SDC2: variants seen among roughly 807,000 people sequenced by gnomAD.
SDC2 encodes syndecan-2.
In SDC2, 13 loss-of-function variants were observed where a neutral mutation model predicts 22.2. The observed-to-expected ratio is 0.59, with a 90% CI of 0.38 to 0.93. SDC2 has a LOEUF of 0.93. SDC2 is among the 40% of genes least tolerant of loss of function. The probability of loss-of-function intolerance (pLI) is 0.00; values close to 1 mark genes in which losing one functional copy is unlikely to be tolerated. For missense variants in SDC2, 235 were observed against 246.8 expected (o/e 0.95, Z 0.32); for synonymous variants, 94 against 92.8 (o/e 1.01, Z -0.07).
At position 96,608,306 on chromosome 8, in the gene SDC2, A is replaced by G. The variant is rs572378592; in HGVS notation, c.307-29A>G. 37 of 1,602,154 alleles carry G rather than the reference A, an allele frequency of 2.3e-5. 1 individual carries two copies. Among genetic ancestry groups the G allele is most frequent in the Middle Eastern group, 3.3e-4 (2 of 5,988 alleles). On this transcript the variant is annotated intron_variant, in intron 3 of 4. Transcript: ENST00000302190. ...CTTTCCAACACATTTCCTTAAATCA[A>G]TGTAATCTTTCCCTGTTTCCCATAC...
intron 1 of SDC2, among the ~76,000 whole-genome samples, chr8:96,573,283 G>A (rs1586307462): frequency 2.6e-4 from 1 of 3,818 alleles, no homozygotes; most frequent in Non-Finnish European, 1.3e-3. Context: ...GATGCTCTTC[G>A]CAGACCTCCC....
intron 1 of SDC2, among the ~76,000 whole-genome samples, chr8:96,495,188 G>A (rs1813050887): frequency 6.6e-6 from 1 of 152,210 alleles, no homozygotes; most frequent in African/African-American, 2.4e-5. Context: ...GGGGGACAGA[G>A]GCTTCCCTCC....
At chr8:96,533,260 C>T (rs1047169887) in intron 1 of SDC2, among the ~76,000 whole-genome samples, 5 of 152,172 alleles carry the variant, frequency 3.3e-5, no homozygotes, top group African/African-American at 9.7e-5. Flanking sequence ...CCACTGCTGG[C>T]TTGGGCAGCT....
intron 1 of SDC2, among the ~76,000 whole-genome samples, chr8:96,589,837 G>C (rs1455128693): frequency 1.3e-5 from 2 of 152,174 alleles, no homozygotes; most frequent in East Asian, 1.9e-4. Flanking sequence ...CACGGACGTG[G>C]GCAGTGACAA....
chr8:96,588,843 G>A (rs567847010), intron 1 of SDC2, among the ~76,000 whole-genome samples: 8 of 152,326 alleles, frequency 5.3e-5, no homozygotes, highest in Non-Finnish European at 8.8e-5. Flanking sequence ...TAGTAGGTAA[G>A]GCGTTGTGTT....
chr8:96,602,335 A>G, intron 2 of SDC2, 60 bp from the exon 3 acceptor site: 1 of 1,568,248 alleles, frequency 6.4e-7, no homozygotes, highest in Non-Finnish European at 8.7e-7. Context: ...ATAGTGCCTG[A>G]TAATGGAGAC....
chr8:96,543,630 C>G (rs1813886884), intron 1 of SDC2, among the ~76,000 whole-genome samples: 1 of 152,178 alleles, frequency 6.6e-6, no homozygotes, highest in Non-Finnish European at 1.5e-5. Flanking sequence ...ATAGGGTGCT[C>G]TAGGGTTGCT....
intron 1 of SDC2, among the ~76,000 whole-genome samples, chr8:96,540,001 G>A (rs1368493835): frequency 6.6e-6 from 1 of 152,066 alleles, no homozygotes; most frequent in Non-Finnish European, 1.5e-5. Context: ...TGGGAAAATG[G>A]GGACATATTG....
At chr8:96,513,552 A>C (rs933526477) in intron 1 of SDC2, among the ~76,000 whole-genome samples, 5 of 152,368 alleles carry the variant, frequency 3.3e-5, no homozygotes, top group African/African-American at 1.2e-4. Flanking sequence ...TAGTTTATTG[A>C]ATATAAACCA....
intron 1 of SDC2, among the ~76,000 whole-genome samples, chr8:96,535,055 G>C (rs1370258884): frequency 1.3e-5 from 2 of 151,608 alleles, no homozygotes; most frequent in Non-Finnish European, 2.9e-5. Flanking sequence ...CCAGGCTGGA[G>C]TGCAATGGTG....
intron 1 of SDC2, among the ~76,000 whole-genome samples, chr8:96,551,674 T>C (rs567719915): frequency 1.6e-4 from 25 of 152,184 alleles, no homozygotes; most frequent in Non-Finnish European, 3.1e-4. Flanking sequence ...TGATGAGCTT[T>C]ACAGGTGATT....
chr8:96,549,628 A>G (rs879230333), intron 1 of SDC2, among the ~76,000 whole-genome samples: 7 of 152,200 alleles, frequency 4.6e-5, no homozygotes, highest in South Asian at 4.1e-4. Context: ...TCATCAGGCT[A>G]TGTTTTCATG....
chr8:96,583,685 A>ATGTGTGTGTG (rs3064977), intron 1 of SDC2, among the ~76,000 whole-genome samples: 7 of 142,530 alleles, frequency 4.9e-5, no homozygotes, highest in African/African-American at 1.1e-4. Context: ...TTTGAAATAT[A>ATGTGTGTGTG]TGTGTGTGTG....
At chr8:96,565,858 G>A (rs1484184172) in intron 1 of SDC2, among the ~76,000 whole-genome samples, 1 of 152,158 alleles carries the variant, frequency 6.6e-6, no homozygotes, top group African/African-American at 2.4e-5. Flanking sequence ...GGAAGTTGTA[G>A]AATTCAGAGT....
At position 96,565,097 on chromosome 8, in the gene SDC2, T is replaced by TTTTTTTTTTTTTTTTTTTTTGTTGTTG. The variant is rs1329448270; in HGVS notation, c.61-28381_61-28380insTTTTTTTTTTTTTTTTTTGTTGTTGTT. On this transcript the variant is annotated intron_variant, in intron 1 of 4. Transcript: ENST00000302190. ...ATCCTAAATTTGATTTTTTTTTTTTTTTGTTGAGATGGGGAGTGTTGCTCT... is the reference window on the plus strand; with the variant it reads ...ATCCTAAATTTGATTTTTTTTTTTTTTTTTTTTTTTTTTTTTTTTTGTTGTTGTTGTTGAGATGGGGAGTGTTGCTCT... Among the ~76,000 whole-genome samples, 23 of 128,674 alleles carry TTTTTTTTTTTTTTTTTTTTTGTTGTTG rather than the reference T, an allele frequency of 1.8e-4. 1 individual carries two copies. Among genetic ancestry groups the TTTTTTTTTTTTTTTTTTTTTGTTGTTG allele is most frequent in the African/African-American group, 7.3e-4 (23 of 31,352 alleles). 84.4% of individuals were successfully genotyped at this position (128,674 alleles called of 152,430 possible).
intron 1 of SDC2, among the ~76,000 whole-genome samples, chr8:96,563,990 T>G (rs1488288770): frequency 6.6e-6 from 1 of 152,212 alleles, no homozygotes; most frequent in East Asian, 1.9e-4. Flanking sequence ...AGCTGCCAAT[T>G]AACAAACTAC....
chr8:96,579,119 C>T (rs927705955), intron 1 of SDC2, among the ~76,000 whole-genome samples: 3 of 152,216 alleles, frequency 2.0e-5, no homozygotes, highest in Non-Finnish European at 4.4e-5. Context: ...ATTTCATTCA[C>T]GTGGTAGGTG....
chr8:96,607,326 C>T (rs1317358566), intron 3 of SDC2, among the ~76,000 whole-genome samples: 1 of 152,140 alleles, frequency 6.6e-6, no homozygotes, highest in East Asian at 1.9e-4. Context: ...CTGTGATGTG[C>T]TGGCCACCTG....
chr8:96,531,475 C>T (rs1008278301), intron 1 of SDC2, among the ~76,000 whole-genome samples: 3 of 151,870 alleles, frequency 2.0e-5, no homozygotes, highest in East Asian at 1.9e-4. Context: ...ATTAAGATTA[C>T]GATGCTAAAA....
Sources: gnomAD v4.1 joint callset for allele counts (sites outside exome capture counted in the v4.1 genomes callset) on GRCh38, gnomAD v4.1.1 for gene constraint, MANE v1.5 for transcripts, NCBI Gene and HGNC (gene_info 2026-07-23, HGNC 2026-07-21) for gene names.